The following UNC79 variants were observed in gnomAD, a reference collection of about 807,000 sequenced individuals.
The protein encoded by UNC79 is unc-79 subunit of NALCN channel complex, also known as protein unc-79 homolog.
UNC79 carries 37 observed loss-of-function variants against 283.1 expected under a neutral mutation model. The ratio of observed to expected loss-of-function variants is 0.13; its 90% CI spans 0.10 to 0.17. The LOEUF (loss-of-function observed/expected upper bound fraction) is 0.17, where lower values mean the gene tolerates loss of function less well. UNC79 is among the 10% of genes least tolerant of loss of function. The probability of loss-of-function intolerance (pLI) is 1.00; values close to 1 mark genes in which losing one functional copy is unlikely to be tolerated. For missense variants in UNC79, 2,272 were observed against 3,211.1 expected (o/e 0.71, Z 7.07); for synonymous variants, 1,107 against 1,200.2 (o/e 0.92, Z 1.61).
intron 18 of UNC79, 97 bp from the exon 19 acceptor site, chr14:93,580,052 A>C (rs536321089): frequency 1.6e-5 from 16 of 1,028,500 alleles, no homozygotes; most frequent in Non-Finnish European, 2.3e-5. Flanking sequence ...ATCCCCAAGT[A>C]GTGTGCCAAT....
Position 93,399,640 on chromosome 14 carries a change from C to T in UNC79, c.-351+66117C>T, listed in dbSNP as rs146680539. 1.1e-3 allele frequency among the ~76,000 whole-genome samples: 174 copies of T among 152,268 alleles called. 1 individual carries two copies. Among genetic ancestry groups the T allele is most frequent in the Non-Finnish European group, 1.8e-3 (120 of 68,026 alleles). ...GATTTCATTTAATCCTCTCATCTGACCTTTGGAGGTTGCCATCAATAATCC... is the reference window on the plus strand; with the variant it reads ...GATTTCATTTAATCCTCTCATCTGATCTTTGGAGGTTGCCATCAATAATCC... On this transcript the variant is annotated intron_variant, in intron 1 of 49. Coordinates refer to the UNC79 transcript ENST00000256339.
At chr14:93,669,965 A>G (rs1055067000) in intron 40 of UNC79, among the ~76,000 whole-genome samples, 7 of 152,228 alleles carry the variant, frequency 4.6e-5, no homozygotes, top group African/African-American at 1.7e-4. Context: ...ATGAATAGGA[A>G]GAAAAGACAG....
At chr14:93,472,513 C>T (rs2057563961) in intron 2 of UNC79, among the ~76,000 whole-genome samples, 1 of 152,008 alleles carries the variant, frequency 6.6e-6, no homozygotes, top group South Asian at 2.1e-4. Flanking sequence ...AGAAGTATTA[C>T]ATAAGTATTC....
rs770575323 is a variant in UNC79, at chr14:93,688,032, C to T, written c.6910-633C>T. On this transcript the variant is annotated intron_variant, in intron 43 of 48. Coordinates refer to ENST00000555664, the Ensembl canonical transcript of UNC79. This position sits in a 1 kb window ranked among gnomAD's most constrained non-coding sequence, Gnocchi z 4.0. ...AGGTCTCAATGCCTAGTTCAGTGCC[C>T]TTCCCACTGAGCTCACACTGAGCAA... Among the ~76,000 whole-genome samples, 9 of 152,096 alleles carry T rather than the reference C, an allele frequency of 5.9e-5. No individual in the cohort carries two copies. Among genetic ancestry groups the T allele is most frequent in the Non-Finnish European group, 1.3e-4 (9 of 68,024 alleles).
At chr14:93,662,463 G>T (rs1226272848) in intron 39 of UNC79, 141 bp from the exon 43 acceptor site, 10 of 551,784 alleles carry the variant, frequency 1.8e-5, no homozygotes, top group Non-Finnish European at 2.9e-5. Flanking sequence ...GACCAATGGG[G>T]TTGCTACAGG....
chr14:93,386,936 T>C (rs2054788968), intron 1 of UNC79, among the ~76,000 whole-genome samples: 2 of 56,166 alleles, frequency 3.6e-5, no homozygotes, highest in Non-Finnish European at 7.6e-5. Flanking sequence ...GCTTTTTTTT[T>C]TTTTTTTTTT....
chr14:93,660,556 T>C (rs1404021826), intron 39 of UNC79, among the ~76,000 whole-genome samples: 3 of 123,104 alleles, frequency 2.4e-5, no homozygotes, highest in African/African-American at 3.8e-5. Flanking sequence ...TATATATATA[T>C]ATATATATGT....
At chr14:93,389,378 A>G (rs1272562075) in intron 1 of UNC79, among the ~76,000 whole-genome samples, 1 of 152,202 alleles carries the variant, frequency 6.6e-6, no homozygotes, top group Non-Finnish European at 1.5e-5. Flanking sequence ...CCCTGCTTTG[A>G]GGCATTGTCC....
At chr14:93,377,421 G>T (rs1034873583) in intron 1 of UNC79, among the ~76,000 whole-genome samples, 3 of 152,106 alleles carry the variant, frequency 2.0e-5, no homozygotes, top group African/African-American at 7.2e-5. Flanking sequence ...AAAGAAAACG[G>T]TGATGTACTG....
At chr14:93,352,199 C>T (rs1439762461) in intron 1 of UNC79, among the ~76,000 whole-genome samples, 1 of 152,218 alleles carries the variant, frequency 6.6e-6, no homozygotes, top group Non-Finnish European at 1.5e-5. Context: ...AGGCCCTTTA[C>T]GTGAACTCCC....
chr14:93,423,407 C>A (rs920517943), intron 1 of UNC79, among the ~76,000 whole-genome samples: 2 of 152,122 alleles, frequency 1.3e-5, no homozygotes, highest in Non-Finnish European at 2.9e-5. Context: ...ATAACCAAAG[C>A]TATCTTAAGC....
intron 1 of UNC79, among the ~76,000 whole-genome samples, chr14:93,458,715 A>G (rs1051348696): frequency 1.3e-5 from 2 of 152,232 alleles, no homozygotes; most frequent in Non-Finnish European, 2.9e-5. Flanking sequence ...AGGACTAAAG[A>G]TAATTGACAT....
intron 27 of UNC79, among the ~76,000 whole-genome samples, chr14:93,613,959 C>T (rs1257204843): frequency 6.6e-6 from 1 of 151,162 alleles, no homozygotes; most frequent in Non-Finnish European, 1.5e-5. Flanking sequence ...CTGTGTGTTT[C>T]AGCTACTTTC....
At chr14:93,600,861 C>A in intron 25 of UNC79, 91 bp downstream of exon 25, 1 of 1,426,466 alleles carries the variant, frequency 7.0e-7, no homozygotes, top group Non-Finnish European at 9.6e-7. Flanking sequence ...CGTTTAATTC[C>A]TCTACAGAGG....
intron 7 of UNC79, 46 bp from the exon 8 acceptor site, chr14:93,523,932 A>G: frequency 6.3e-7 from 1 of 1,599,178 alleles, no homozygotes; most frequent in Non-Finnish European, 8.6e-7. Context: ...CTAGGGCATG[A>G]ATAATTTCAA....
At chr14:93,604,721 TG>T (rs1235782167) in intron 26 of UNC79, among the ~76,000 whole-genome samples, 174 bp from the exon 27 acceptor site, 1 of 152,266 alleles carries the variant, frequency 6.6e-6, no homozygotes, top group Non-Finnish European at 1.5e-5. Flanking sequence ...GATGTTCTTA[TG>T]ATTCAGATAA....
At chr14:93,572,417 T>G (rs1444671595) in intron 15 of UNC79, among the ~76,000 whole-genome samples, 3 of 152,246 alleles carry the variant, frequency 2.0e-5, no homozygotes, top group Admixed American at 2.0e-4. Context: ...TAGGGAGCAA[T>G]GCTAATGCCT....
At chr14:93,339,683 C>T (rs910439486) in intron 1 of UNC79, among the ~76,000 whole-genome samples, 1 of 152,258 alleles carries the variant, frequency 6.6e-6, no homozygotes, top group African/African-American at 2.4e-5. Flanking sequence ...GCCCAAATCA[C>T]AGACTTTTCC....
intron 4 of UNC79, 99 bp from the exon 5 acceptor site, chr14:93,487,564 T>TG: frequency 1.1e-6 from 1 of 944,158 alleles, no homozygotes; most frequent in Non-Finnish European, 1.6e-6. Context: ...TGGAGCTATT[T>TG]TTTTTTTTAA....
Sources: allele counts gnomAD v4.1 joint callset (sites outside exome capture counted in the v4.1 genomes callset), GRCh38; gene constraint gnomAD v4.1.1; non-coding constraint Gnocchi (gnomAD v3.1); transcripts MANE v1.5; gene names NCBI Gene and HGNC (gene_info 2026-07-23, HGNC 2026-07-21).